The following LRRC63 variants were observed in gnomAD, a reference collection of about 807,000 sequenced individuals.
LRRC63 encodes the protein leucine-rich repeat-containing protein 63.
LRRC63 carries 40 observed loss-of-function variants against 49.5 expected under a neutral mutation model. The ratio of observed to expected loss-of-function variants is 0.81; its 90% CI spans 0.63 to 1.05. The LOEUF (loss-of-function observed/expected upper bound fraction) is 1.05, where lower values mean the gene tolerates loss of function less well. Among genes scored for constraint, LRRC63 ranks in the 50% least tolerant of loss-of-function variants. The pLI is 0.00. For synonymous variants in LRRC63, 191 were observed against 221.1 expected (o/e 0.86, Z 1.21); for missense variants, 636 against 663.1 (o/e 0.96, Z 0.45).
intron 8 of LRRC63, 55 bp from the exon 9 acceptor site, chr13:46,266,678 T>C: frequency 7.1e-7 from 1 of 1,410,790 alleles, no homozygotes; most frequent in Non-Finnish European, 9.4e-7. Context: ...AGAATTTTAC[T>C]TTAATATTAT....
chr13:46,260,246 G>T (rs1006667737), intron 7 of LRRC63, among the ~76,000 whole-genome samples: 1 of 152,202 alleles, frequency 6.6e-6, no homozygotes. Context: ...TCCAGAAACT[G>T]CCTGAGGCAA....
chr13:46,252,644 G>A (rs1184551775), intron 7 of LRRC63, among the ~76,000 whole-genome samples: 1 of 152,048 alleles, frequency 6.6e-6, no homozygotes, highest in Non-Finnish European at 1.5e-5. Context: ...TGGTTCCCTG[G>A]AAGATGTAGT....
Position 46,246,613 on chromosome 13 carries a change from CT to C in LRRC63, c.1080del (p.Thr362GlnfsTer12), listed in dbSNP as rs2047220688. On this transcript the variant is annotated frameshift_variant, in exon 6 of 10. Coordinates refer to ENST00000595396, the Ensembl canonical transcript of LRRC63. LOFTEE classifies it high-confidence loss of function. ...ATTTATCATTTAATGATCTTCATTA[CT>C]TTCCCACAGAAGTGAGTCAACTTTT... is the stretch of plus-strand genomic sequence containing the variant. 7.0e-7 allele frequency: 1 copy of C among 1,430,116 alleles called. No homozygotes were observed. The highest frequency in any genetic ancestry group is 3.0e-5 in the Admixed American group (1 of 33,796). 88.6% of individuals were successfully genotyped at this position (1,430,116 alleles called of 1,614,324 possible).
At chr13:46,222,809 C>T (rs1169889994) in intron 2 of LRRC63, among the ~76,000 whole-genome samples, 1 of 151,800 alleles carries the variant, frequency 6.6e-6, no homozygotes, top group Non-Finnish European at 1.5e-5. Context: ...TTGGAACCAA[C>T]CCAAATGTCC....
intron 8 of LRRC63, among the ~76,000 whole-genome samples, chr13:46,265,008 T>TTAGC (rs2047664078): frequency 1.3e-5 from 2 of 151,792 alleles, no homozygotes; most frequent in Non-Finnish European, 2.9e-5. Flanking sequence ...AAGACGAAAA[T>TTAGC]TAGCCAGGCG....
At chr13:46,266,834 C>T (rs1413366590) in exon 9 of LRRC63, 10 of 1,550,018 alleles carry the variant, frequency 6.5e-6, no homozygotes, top group South Asian at 2.4e-5. Context: ...AATAATTTCA[C>T]TCATCCTTGT....
chr13:46,216,349 A>G (rs1417739907), intron 2 of LRRC63, among the ~76,000 whole-genome samples: 2 of 152,074 alleles, frequency 1.3e-5, no homozygotes, highest in African/African-American at 4.8e-5. Context: ...TGTAAGTTGT[A>G]TTGCTAGGTA....
At chr13:46,234,009 A>G (rs1164367175) in intron 4 of LRRC63, among the ~76,000 whole-genome samples, 183 bp from the exon 5 acceptor site, 3 of 152,194 alleles carry the variant, frequency 2.0e-5, no homozygotes, top group Admixed American at 1.3e-4. Context: ...AACAACACCC[A>G]CTTTGGCAAA....
intron 9 of LRRC63, chr13:46,270,229 A>G: frequency 1.1e-6 from 1 of 872,436 alleles, no homozygotes. Context: ...TCACATTGGC[A>G]GAATCTCATC....
intron 1 of LRRC63, among the ~76,000 whole-genome samples, chr13:46,212,662 G>A (rs1266880267): frequency 2.0e-5 from 3 of 152,056 alleles, no homozygotes; most frequent in Non-Finnish European, 2.9e-5. Flanking sequence ...ATGTCATTTC[G>A]ACTATTCTGA....
intron 5 of LRRC63, among the ~76,000 whole-genome samples, chr13:46,245,322 T>C (rs1385013367): frequency 6.6e-6 from 1 of 152,156 alleles, no homozygotes; most frequent in Non-Finnish European, 1.5e-5. Context: ...AATAAAGATA[T>C]AGAAGATCTG....
chr13:46,242,663 A>T (rs2047096256), intron 5 of LRRC63, among the ~76,000 whole-genome samples: 1 of 152,098 alleles, frequency 6.6e-6, no homozygotes, highest in South Asian at 2.1e-4. Flanking sequence ...TATTTGAAGC[A>T]CAAAGAATAA....
At chr13:46,266,584 C>G (rs980231288) in intron 8 of LRRC63, 149 bp from the exon 9 acceptor site, 1 of 677,384 alleles carries the variant, frequency 1.5e-6, no homozygotes, top group Non-Finnish European at 2.4e-6. Flanking sequence ...TAAATTAATT[C>G]TCTTGATTCT....
At chr13:46,216,856 A>G (rs2046265971) in intron 2 of LRRC63, among the ~76,000 whole-genome samples, 2 of 152,190 alleles carry the variant, frequency 1.3e-5, no homozygotes, top group African/African-American at 2.4e-5. Context: ...ATCTATTGAG[A>G]TAATTATGTG....
At position 46,213,137 on chromosome 13, in the gene LRRC63, A is replaced by T; in HGVS notation, c.85+18A>T. 1 of 1,434,646 alleles carries T rather than the reference A, an allele frequency of 7.0e-7. No individual in the cohort carries two copies. The highest frequency in any genetic ancestry group is 1.4e-5 in the African/African-American group (1 of 69,958). The allele number at this position is 1,434,646 out of a possible 1,614,324, so 88.9% of individuals were successfully genotyped here. A position where few individuals can be genotyped will look rare whatever the true frequency, so the allele number is the denominator to read the frequency against. ...CCATACAGGTATGTGTATTAATCAG[A>T]TATGTGTATTAACATTTATGTATCT... On this transcript the variant is annotated intron_variant, in intron 2 of 9. Transcript: ENST00000595396.
At chr13:46,217,915 T>G (rs2046299606) in intron 2 of LRRC63, among the ~76,000 whole-genome samples, 1 of 152,204 alleles carries the variant, frequency 6.6e-6, no homozygotes, top group South Asian at 2.1e-4. Flanking sequence ...AGTTGTGCAG[T>G]TTTGAGTGAG....
At chr13:46,247,029 T>C (rs1213327300) in intron 6 of LRRC63, among the ~76,000 whole-genome samples, 2 of 152,178 alleles carry the variant, frequency 1.3e-5, no homozygotes, top group Non-Finnish European at 2.9e-5. Flanking sequence ...CTTAATAAAA[T>C]GTATGAAGGA....
At chr13:46,235,452 C>G (rs925244824) in intron 5 of LRRC63, among the ~76,000 whole-genome samples, 2 of 152,004 alleles carry the variant, frequency 1.3e-5, no homozygotes, top group African/African-American at 4.8e-5. Context: ...GAAAACTTCA[C>G]TGGAAGATTT....
intron 4 of LRRC63, among the ~76,000 whole-genome samples, chr13:46,229,706 G>T (rs2046688039): frequency 6.6e-6 from 1 of 152,140 alleles, no homozygotes; most frequent in South Asian, 2.1e-4. Flanking sequence ...TATCACTTTA[G>T]CCCAGGAGTT....
Sources: gnomAD v4.1 joint callset for allele counts (sites outside exome capture counted in the v4.1 genomes callset) on GRCh38, gnomAD v4.1.1 for gene constraint, MANE v1.5 for transcripts, NCBI Gene and HGNC (gene_info 2026-07-23, HGNC 2026-07-21) for gene names.